RPF1: variants seen among roughly 807,000 people sequenced by gnomAD.
RPF1 encodes the protein ribosome production factor 1 homolog.
A neutral mutation model predicts 41.9 loss-of-function variants in RPF1; 34 were observed. That is an observed-to-expected ratio of 0.81 (90% CI 0.62 to 1.08). The LOEUF (loss-of-function observed/expected upper bound fraction) is 1.08, where lower values mean the gene tolerates loss of function less well. RPF1 is among the 50% of genes least tolerant of loss of function. The pLI, the probability that RPF1 is intolerant of heterozygous loss-of-function variation, is 0.00. For synonymous variants in RPF1, 140 were observed against 148.9 expected, an observed-to-expected ratio of 0.94 and a Z score of 0.43; for missense variants, 425 against 435.2, an observed-to-expected ratio of 0.98 and a Z score of 0.21.
chr1:84,485,805 A>T (rs1217628681), intron 3 of RPF1, among the ~76,000 whole-genome samples: 4 of 152,192 alleles, frequency 2.6e-5, no homozygotes, highest in African/African-American at 9.7e-5. Flanking sequence ...CACTCATTGT[A>T]AATCATTTTT....
chr1:84,496,954 C>G (rs1438347187), intron 8 of RPF1, among the ~76,000 whole-genome samples: 2 of 152,044 alleles, frequency 1.3e-5, no homozygotes, highest in Non-Finnish European at 2.9e-5. Flanking sequence ...TCACTGCAAC[C>G]TCCACCTCCC....
chr1:84,495,510 A>G, intron 6 of RPF1, 55 bp downstream of exon 6: 1 of 780,476 alleles, frequency 1.3e-6, no homozygotes, highest in Non-Finnish European at 2.1e-6. Context: ...TATTTATTTG[A>G]TCAATAGATG....
chr1:84,489,588 A>C, intron 3 of RPF1, 45 bp from the exon 4 acceptor site: 1 of 1,050,698 alleles, frequency 9.5e-7, no homozygotes, highest in Non-Finnish European at 1.5e-6. Context: ...CTGGCCCAGT[A>C]GAGTATTTCT....
At position 84,485,789 on chromosome 1, in the gene RPF1, A is replaced by C. The variant is rs75845514; in HGVS notation, c.366+2794A>C. On this transcript the variant is annotated intron_variant, in intron 3 of 8. Transcript: ENST00000370654. ...GAGATAACTTGAATGTTACTCCTCA[A>C]CTTAACACTCATTGTAAATCATTTT... Among the ~76,000 whole-genome samples the C allele has an allele frequency of 4.2e-3, 640 of 152,346 alleles. 5 individuals are homozygous for C. The highest frequency in any genetic ancestry group is 0.015 in the African/African-American group (618 of 41,582).
Position 84,480,953 on chromosome 1 carries a change from T to C in RPF1, c.229-3T>C. The C allele has an allele frequency of 2.0e-6, 3 of 1,537,162 alleles. No individual in the cohort carries two copies. Among genetic ancestry groups the C allele is most frequent in the Non-Finnish European group, 2.7e-6 (3 of 1,114,486 alleles). ...ATTGTTCTCTTTTTTTTTAACCCTTTAGGAAAAGTTGGCAGCTAAGAAAAA... is the reference window on the plus strand; with the variant it reads ...ATTGTTCTCTTTTTTTTTAACCCTTCAGGAAAAGTTGGCAGCTAAGAAAAA... On this transcript the variant is annotated splice_polypyrimidine_tract_variant and splice_region_variant and intron_variant, in intron 1 of 8. Coordinates refer to ENST00000370654, the MANE Select transcript of RPF1 (RefSeq NM_025065.7).
In RPF1 at chr1:84,482,958, T is replaced by G; in HGVS notation, c.329T>G (p.Val110Gly). ...PVPKTIDNQRVYDETTVDPND... is the reference protein window; with the variant it reads ...PVPKTIDNQRGYDETTVDPND... ...CCCAAGACCATTGACAACCAGCGAG[T>G]GTATGATGAAACCACAGTAGACCCT... Residue 110 changes from valine (V) to glycine (G), a missense_variant, in exon 3 of 9, where the codon GTG (valine) becomes GGG (glycine). Physicochemically the swap from Val to Gly is moderately radical, Grantham distance 109. Coordinates refer to ENST00000370654, the MANE Select transcript of RPF1 (RefSeq NM_025065.7). The G allele has an allele frequency of 6.2e-7, 1 of 1,612,010 alleles. No individual in the cohort carries two copies. The highest frequency in any genetic ancestry group is 1.1e-5 in the South Asian group (1 of 91,012).
intron 4 of RPF1, 35 bp downstream of exon 4, chr1:84,489,763 T>A: frequency 8.6e-7 from 1 of 1,164,906 alleles, no homozygotes; most frequent in Non-Finnish European, 1.3e-6. Flanking sequence ...CTTGAATTCT[T>A]AATTTTCTTA....
chr1:84,482,781 G>A (rs1681673684), intron 2 of RPF1, 134 bp from the exon 3 acceptor site: 1 of 524,376 alleles, frequency 1.9e-6, no homozygotes, highest in Admixed American at 3.2e-5. Flanking sequence ...TAGAATTGAT[G>A]TAGCAATAGA....
intron 1 of RPF1, 38 bp downstream of exon 1, chr1:84,479,547 T>C (rs754453855): frequency 1.5e-4 from 235 of 1,596,788 alleles, no homozygotes; most frequent in Non-Finnish European, 2.0e-4. Flanking sequence ...GCTTGCGCGT[T>C]GTTCCTGACG....
In RPF1 at chr1:84,496,025, C is replaced by G; in HGVS notation, c.843C>G (p.Phe281Leu). The part of the protein sequence containing the change: ...PQFIGRQVAT[F>L]HNQRDYIFFR... ...TTATCGGAAGGCAGGTTGCCACATTCCACAATCAACGGGATTACATATTCT... is the reference window on the plus strand; with the variant it reads ...TTATCGGAAGGCAGGTTGCCACATTGCACAATCAACGGGATTACATATTCT... The change falls in exon 7 of 9, where the codon TTC becomes TTG. Residue 281 changes from phenylalanine (F) to leucine (L), a missense_variant. By Grantham distance (22) the Phe-to-Leu change is conservative. Transcript: ENST00000370654. 1 of 1,612,684 alleles carries G rather than the reference C, an allele frequency of 6.2e-7. No homozygotes were observed.
intron 8 of RPF1, among the ~76,000 whole-genome samples, chr1:84,497,054 T>G (rs1681953458): frequency 6.6e-6 from 1 of 151,722 alleles, no homozygotes; most frequent in Non-Finnish European, 1.5e-5. Flanking sequence ...CTATTTTTAG[T>G]AGAGAAGGGG....
rs771149192 is a variant in RPF1, at chr1:84,479,340, C to T, written c.59C>T (p.Ala20Val). 1.7e-5 allele frequency: 27 copies of T among 1,612,704 alleles called. No homozygotes were observed. The highest frequency in any genetic ancestry group is 2.2e-5 in the Non-Finnish European group (26 of 1,179,392). ...GGGAAGAAAAGTCTAAAACGGAAAGCCGCTGCCGAAGAACTTCAGGAGGCT... is the reference window on the plus strand; with the variant it reads ...GGGAAGAAAAGTCTAAAACGGAAAGTCGCTGCCGAAGAACTTCAGGAGGCT... Reference protein sequence around the residue: ...SSGKKSLKRKAAAEELQEAAG... With the variant: ...SSGKKSLKRKVAAEELQEAAG... The change falls in exon 1 of 9, where the codon GCC becomes GTC. Residue 20 changes from alanine to valine, a missense_variant. Coordinates refer to ENST00000370654, the MANE Select transcript of RPF1 (RefSeq NM_025065.7).
chr1:84,491,334 A>T (rs1254631971), intron 5 of RPF1, among the ~76,000 whole-genome samples: 2 of 152,240 alleles, frequency 1.3e-5, no homozygotes, highest in African/African-American at 4.8e-5. Context: ...ATTATAAAGA[A>T]TTTACAAAAT....
At chr1:84,480,153 C>T (rs909060207) in intron 1 of RPF1, among the ~76,000 whole-genome samples, 4 of 152,262 alleles carry the variant, frequency 2.6e-5, no homozygotes, top group Admixed American at 2.6e-4. Flanking sequence ...TATTATGTGT[C>T]TGCCTCCTCT....
At chr1:84,486,840 A>G (rs772373903) in intron 3 of RPF1, among the ~76,000 whole-genome samples, 6 of 152,268 alleles carry the variant, frequency 3.9e-5, no homozygotes, top group African/African-American at 1.2e-4. Flanking sequence ...AGCTGCTTCA[A>G]TTTCCTGACA....
intron 3 of RPF1, among the ~76,000 whole-genome samples, chr1:84,489,124 CAAT>C (rs959558247): frequency 6.6e-6 from 1 of 151,904 alleles, no homozygotes; most frequent in Non-Finnish European, 1.5e-5. Flanking sequence ...TTGATTTGCT[CAAT>C]ATATATTTTT....
intron 3 of RPF1, among the ~76,000 whole-genome samples, chr1:84,484,767 C>A (rs1397431799): frequency 1.3e-5 from 2 of 150,960 alleles, no homozygotes; most frequent in African/African-American, 4.9e-5. Context: ...CTCACTGCAA[C>A]CTCTGCCTCC....
At chr1:84,493,790 A>C (rs1028921347) in intron 5 of RPF1, among the ~76,000 whole-genome samples, 2 of 152,236 alleles carry the variant, frequency 1.3e-5, no homozygotes, top group African/African-American at 4.8e-5. Context: ...GCAGGTATTC[A>C]AAATAGCAGA....
In RPF1 at chr1:84,496,261, AAAAG is replaced by A. The variant is rs1230341771; in HGVS notation, c.904_907del (p.Lys302TrpfsTer12). 1 of 1,613,482 alleles carries A rather than the reference AAAAG, an allele frequency of 6.2e-7. No homozygotes were observed. The highest frequency in any genetic ancestry group is 8.5e-7 in the Non-Finnish European group (1 of 1,179,574). On this transcript the variant is annotated frameshift_variant, in exon 8 of 9. Coordinates refer to ENST00000370654, the MANE Select transcript of RPF1 (RefSeq NM_025065.7). LOFTEE classifies it high-confidence loss of function. ...CTTTGAAGATACATATTCAGGAGTG[AAAAG>A]AAAGTGGGAATTCAGGAACTTGGAC...
Sources: allele counts gnomAD v4.1 joint callset (sites outside exome capture counted in the v4.1 genomes callset), GRCh38; gene constraint gnomAD v4.1.1; transcripts MANE v1.5; gene names NCBI Gene and HGNC (gene_info 2026-07-23, HGNC 2026-07-21).